The following CYP2A7 variants were observed in gnomAD, a reference collection of about 807,000 sequenced individuals.
CYP2A7 encodes the protein cytochrome P450 2A7.
Under a neutral mutation model 42.0 loss-of-function variants are expected in CYP2A7, and 36 were observed. That is an observed-to-expected ratio of 0.86 (90% CI 0.66 to 1.13). CYP2A7 has a LOEUF of 1.13. Among genes scored for constraint, CYP2A7 ranks in the 50% most tolerant of loss-of-function variants. The pLI is 0.00. For missense variants in CYP2A7, 661 were observed against 634.1 expected, an observed-to-expected ratio of 1.04 and a Z score of -0.46; for synonymous variants, 260 against 249.5, an observed-to-expected ratio of 1.04 and a Z score of -0.40.
intron 8 of CYP2A7, 102 bp from the exon 9 acceptor site, chr19:40,875,976 G>T: frequency 1.4e-6 from 2 of 1,477,182 alleles, no homozygotes; most frequent in South Asian, 2.8e-5. Flanking sequence ...AGGAGGGGTG[G>T]AATATTATGG....
intron 6 of CYP2A7, 73 bp from the exon 7 acceptor site, chr19:40,877,450 A>G (rs1967562309): frequency 6.3e-7 from 1 of 1,575,740 alleles, no homozygotes; most frequent in Non-Finnish European, 8.6e-7. Flanking sequence ...GAATAGGTAA[A>G]ACGGGGTGGA....
intron 2 of CYP2A7, among the ~76,000 whole-genome samples, chr19:40,880,877 T>TA (rs1449394319): frequency 1.0e-5 from 1 of 95,648 alleles, no homozygotes; most frequent in Non-Finnish European, 2.1e-5. Flanking sequence ...GTAGAAAGAA[T>TA]AAGAGAATCA....
intron 5 of CYP2A7, among the ~76,000 whole-genome samples, 194 bp from the exon 6 acceptor site, chr19:40,878,187 C>T (rs541031932): frequency 6.6e-6 from 1 of 151,682 alleles, no homozygotes; most frequent in East Asian, 1.9e-4. Flanking sequence ...TTTCTTCTCA[C>T]CTTCTTTACG....
chr19:40,881,721 TGGTGAACACGG>T lies in CYP2A7; in HGVS notation c.200_210del (p.Pro67HisfsTer15). On this transcript the variant is annotated frameshift_variant, in exon 2 of 9. Transcript: ENST00000301146. LOFTEE classifies it high-confidence loss of function. ...ACGACCCGCCGGGGCCCCAAGTGAATGGTGAACACGGGGCCATAGCACTCACTGAACTGATG... is the reference window on the plus strand; with the variant it reads ...ACGACCCGCCGGGGCCCCAAGTGAATGGCCATAGCACTCACTGAACTGATG... 6.2e-7 allele frequency: 1 copy of T among 1,605,858 alleles called. No homozygotes were observed. Among genetic ancestry groups the T allele is most frequent in the Non-Finnish European group, 8.5e-7 (1 of 1,176,066 alleles).
At chr19:40,876,921 A>C (rs1967546930) in intron 7 of CYP2A7, among the ~76,000 whole-genome samples, 1 of 151,664 alleles carries the variant, frequency 6.6e-6, no homozygotes, top group South Asian at 2.1e-4. Flanking sequence ...CCCTAAGACA[A>C]AAGGCCTAAT....
intron 5 of CYP2A7, among the ~76,000 whole-genome samples, chr19:40,878,554 T>G (rs916039626): frequency 1.3e-5 from 2 of 151,760 alleles, no homozygotes; most frequent in African/African-American, 2.4e-5. Context: ...AGGCTGGTCT[T>G]GAACTCCTGA....
At position 40,875,660 on chromosome 19, in the gene CYP2A7, C is replaced by T. The variant is rs745338255; in HGVS notation, c.*33G>A. On this transcript the variant is annotated 3_prime_UTR_variant, in exon 9 of 9. Coordinates refer to ENST00000301146, the MANE Select transcript of CYP2A7 (RefSeq NM_000764.3). Reference sequence around the variant, plus strand: ...CCCTGACCCCGCCTTTCCCTGGCCCCGCCCACCAGACCTGCACCGGCACAG... The same window carrying T: ...CCCTGACCCCGCCTTTCCCTGGCCCTGCCCACCAGACCTGCACCGGCACAG... The T allele has an allele frequency of 2.5e-6, 4 of 1,611,002 alleles. No individual in the cohort carries two copies. The Admixed American group carries it at 6.7e-5, about 27-fold the overall frequency.
Position 40,880,413 on chromosome 19 carries a change from G to T in CYP2A7, c.493+66C>A, listed in dbSNP as rs1193711222. 2.5e-6 allele frequency: 4 copies of T among 1,579,092 alleles called. No homozygotes were observed. The African/African-American group carries it at 5.4e-5, about 21-fold the overall frequency. ...CCTAGTCCCCATCCGCAGGCAGAAC[G>T]CGCGCGGGTTCCTCGTCCTGGGTGT... On this transcript the variant is annotated intron_variant, in intron 3 of 8. Coordinates refer to ENST00000301146, the MANE Select transcript of CYP2A7 (RefSeq NM_000764.3).
At chr19:40,879,911 G>C (rs556102752) in intron 4 of CYP2A7, among the ~76,000 whole-genome samples, 173 bp downstream of exon 4, 1 of 151,336 alleles carries the variant, frequency 6.6e-6, no homozygotes, top group African/African-American at 2.4e-5. Context: ...GAGCTATCCA[G>C]GTGTCCTTGG....
Position 40,880,111 on chromosome 19 carries a change from G to C in CYP2A7, c.627C>G (p.Phe209Leu). 7 of 1,612,944 alleles carry C rather than the reference G, an allele frequency of 4.3e-6. No individual in the cohort carries two copies. Among genetic ancestry groups the C allele is most frequent in the Non-Finnish European group, 5.9e-6 (7 of 1,179,238 alleles). ...LSLLSMMLGI[F>L]QFTSTSTGQL... ...GCCCCGTGGAGGTTGACGTGAACTGGAAGATTCCTAGCATCATGCTCAGCA... is the reference window on the plus strand; with the variant it reads ...GCCCCGTGGAGGTTGACGTGAACTGCAAGATTCCTAGCATCATGCTCAGCA... The change falls in exon 4 of 9, where the codon TTC (phenylalanine) becomes TTG (leucine). Residue 209 changes from phenylalanine to leucine, a missense_variant. Around this residue, in one of 3 missense-constraint regions of CYP2A7, gnomAD observed 614 missense variants for 552.4 expected, o/e 1.11. Transcript: ENST00000301146.
chr19:40,878,325 C>T lies in CYP2A7; in HGVS notation c.832-332G>A, dbSNP rs1486705429. On this transcript the variant is annotated intron_variant, in intron 5 of 8. Coordinates refer to ENST00000301146, the MANE Select transcript of CYP2A7 (RefSeq NM_000764.3). ...GGCTCAAGCAATCCTCCACCCTTAG[C>T]CTCCTGAGTAGCTGGAACTGCACAC... 2.0e-5 allele frequency among the ~76,000 whole-genome samples: 3 copies of T among 151,788 alleles called. 1 individual carries two copies. Among genetic ancestry groups the T allele is most frequent in the Non-Finnish European group, 4.4e-5 (3 of 67,876 alleles).
intron 8 of CYP2A7, among the ~76,000 whole-genome samples, chr19:40,876,152 C>T (rs917939588): frequency 6.6e-6 from 1 of 151,790 alleles, no homozygotes; most frequent in African/African-American, 2.4e-5. Flanking sequence ...TTGAAAAAGG[C>T]ATAATGTCAC....
chr19:40,880,478 C>A lies in CYP2A7; in HGVS notation c.493+1G>T, dbSNP rs1390783075. ...CCCCGCACTCGGGGAACCTTACTCA[C>A]CGTGCGTGCTCCGGATGGCCTCGAT... On this transcript the variant is annotated splice_donor_variant, in intron 3 of 8. Transcript: ENST00000301146. LOFTEE classifies it high-confidence loss of function. 1.9e-6 allele frequency: 3 copies of A among 1,612,432 alleles called. No individual in the cohort carries two copies. The South Asian group carries it at 3.3e-5, about 18-fold the overall frequency.
chr19:40,877,081 G>T, intron 7 of CYP2A7, 109 bp downstream of exon 7: 1 of 1,288,002 alleles, frequency 7.8e-7, no homozygotes, highest in South Asian at 1.3e-5. Flanking sequence ...CTTTTTGACT[G>T]ATTGAGGGAG....
chr19:40,876,575 C>T lies in CYP2A7; in HGVS notation c.1255G>A (p.Asp419Asn), dbSNP rs772931960. 3.7e-6 allele frequency: 6 copies of T among 1,613,096 alleles called. No homozygotes were observed. The highest frequency in any genetic ancestry group is 2.7e-5 in the African/African-American group (2 of 75,006). ...TCACTCTTCTTAAACTGCCCCTTGT[C>T]ATCCAGGAAATGCTGGGGATTGAAG... ...QDFNPQHFLD[D>N]KGQFKKSDAF... Residue 419 changes from aspartate (D) to asparagine (N), a missense_variant, in exon 8 of 9, where the codon GAC becomes AAC. Asp to Asn is a conservative substitution (Grantham distance 23). This residue lies in a region of CYP2A7 where 614 missense variants were observed against 552.4 expected (regional missense o/e 1.11). Coordinates refer to ENST00000301146, the MANE Select transcript of CYP2A7 (RefSeq NM_000764.3).
chr19:40,879,949 T>C, intron 4 of CYP2A7, 135 bp downstream of exon 4: 9 of 1,430,294 alleles, frequency 6.3e-6, no homozygotes, highest in Admixed American at 2.0e-5. Context: ...AACTGTCCAG[T>C]TGTCCAATAT....
At chr19:40,880,837 G>T (rs1165395375) in intron 2 of CYP2A7, among the ~76,000 whole-genome samples, 1 of 103,498 alleles carries the variant, frequency 9.7e-6, no homozygotes, top group Non-Finnish European at 2.2e-5. Context: ...GAGAGAGAGA[G>T]AGAGAGAGAG....
At position 40,877,107 on chromosome 19, in the gene CYP2A7, A is replaced by G. The variant is rs1026746629; in HGVS notation, c.1161+83T>C. The G allele has an allele frequency of 2.0e-6, 3 of 1,501,058 alleles. No homozygotes were observed. In the African/African-American group the frequency reaches 4.1e-5, roughly 21 times the overall value. 93.0% of individuals were successfully genotyped at this position (1,501,058 alleles called of 1,614,324 possible). ...ATTGAGGGAGTGGGACAGTGAGTAG[A>G]AAGCTTCTAATGGGGGCAGGATTCT... On this transcript the variant is annotated intron_variant, in intron 7 of 8. Transcript: ENST00000301146.
Position 40,876,106 on chromosome 19 carries a change from C to T in CYP2A7, c.1304-232G>A, listed in dbSNP as rs2453802. On this transcript the variant is annotated intron_variant, in intron 8 of 8. Coordinates refer to ENST00000301146, the MANE Select transcript of CYP2A7 (RefSeq NM_000764.3). ...TTACTAACAAAGTCCATAGTTTACA[C>T]TAGGGTTTACTCTGTGTTATACAGT... 1.3e-3 allele frequency among the ~76,000 whole-genome samples: 202 copies of T among 149,816 alleles called. 2 individuals are homozygous for T. In the Middle Eastern group the frequency reaches 0.014, roughly 10 times the overall value.
Sources: allele counts gnomAD v4.1 joint callset (sites outside exome capture counted in the v4.1 genomes callset), GRCh38; gene constraint gnomAD v4.1.1; regional missense constraint gnomAD v4.1.1; transcripts MANE v1.5; gene names NCBI Gene and HGNC (gene_info 2026-07-23, HGNC 2026-07-21).